Variants in ADGRB3 observed in about 807,000 individuals in gnomAD.
ADGRB3 encodes adhesion G protein-coupled receptor B3.
ADGRB3 carries 37 observed loss-of-function variants against 193.4 expected under a neutral mutation model. That is an observed-to-expected ratio of 0.19 (90% confidence interval 0.15 to 0.25). The LOEUF (loss-of-function observed/expected upper bound fraction) is 0.25. Among genes scored for constraint, ADGRB3 ranks in the 10% least tolerant of loss-of-function variants. The probability of loss-of-function intolerance (pLI) is 1.00; values close to 1 mark genes in which losing one functional copy is unlikely to be tolerated. For missense variants in ADGRB3, 1,637 were observed against 1,852.9 expected, an observed-to-expected ratio of 0.88 and a Z score of 2.14; for synonymous variants, 690 against 644.2, an observed-to-expected ratio of 1.07 and a Z score of -1.08.
In ADGRB3 at chr6:69,233,316, C is replaced by T; in HGVS notation, c.2507C>T (p.Thr836Ile). ...KTNESLGTWS[T>I]QGCKTVLTDA... Reference sequence around the variant, plus strand: ...AACGAGTCTTTGGGAACGTGGTCCACCCAGGGATGTAAAACTGTGCTTACC... The same window carrying T: ...AACGAGTCTTTGGGAACGTGGTCCATCCAGGGATGTAAAACTGTGCTTACC... The change falls in exon 18 of 32, where the codon ACC becomes ATC. Residue 836 changes from threonine (T) to isoleucine (I), a missense_variant. By Grantham distance (89) the Thr-to-Ile change is moderately conservative. This residue lies in a region of ADGRB3 where 641 missense variants were observed against 673.9 expected (regional missense o/e 0.95). Transcript: ENST00000370598. 2 of 1,614,032 alleles carry T rather than the reference C, an allele frequency of 1.2e-6. No homozygotes were observed. Among genetic ancestry groups the T allele is most frequent in the Non-Finnish European group, 1.7e-6 (2 of 1,179,996 alleles).
chr6:68,830,372 A>G (rs1767929118), intron 3 of ADGRB3, among the ~76,000 whole-genome samples: 1 of 152,120 alleles, frequency 6.6e-6, no homozygotes, highest in African/African-American at 2.4e-5. Flanking sequence ...TGTAACCAAG[A>G]TCTCTCAATT....
At chr6:69,172,673 G>A (rs6934698) in intron 17 of ADGRB3, among the ~76,000 whole-genome samples, 71,345 of 97,144 alleles carry the variant, frequency 0.73, 27,763 homozygotes, top group East Asian at 0.89. Context: ...AAAAAAAAAA[G>A]AGAAATAAAG....
intron 13 of ADGRB3, among the ~76,000 whole-genome samples, chr6:69,045,953 G>A (rs957977373): frequency 1.3e-5 from 2 of 151,974 alleles, no homozygotes; most frequent in Admixed American, 6.5e-5. Flanking sequence ...AACAGCTAAC[G>A]TACCTCTAAT....
At chr6:68,972,921 CTG>C (rs1031575146) in intron 8 of ADGRB3, among the ~76,000 whole-genome samples, 1 of 152,058 alleles carries the variant, frequency 6.6e-6, no homozygotes, top group African/African-American at 2.4e-5. Context: ...AAGGCCCAGA[CTG>C]TGTGAGACTA....
chr6:69,149,801 C>A (rs1774615363), intron 17 of ADGRB3, among the ~76,000 whole-genome samples: 1 of 152,138 alleles, frequency 6.6e-6, no homozygotes, highest in Admixed American at 6.5e-5. Context: ...GCGGCTCTTG[C>A]AGACCAACTT....
intron 17 of ADGRB3, among the ~76,000 whole-genome samples, chr6:69,161,917 T>C (rs1162567483): frequency 6.6e-6 from 1 of 152,114 alleles, no homozygotes; most frequent in Non-Finnish European, 1.5e-5. Context: ...GAGTCAGAGA[T>C]AGCCCCCAAA....
intron 20 of ADGRB3, among the ~76,000 whole-genome samples, chr6:69,253,347 A>T (rs1487390602): frequency 6.6e-6 from 1 of 152,086 alleles, no homozygotes; most frequent in Non-Finnish European, 1.5e-5. Flanking sequence ...TATACAAAAA[A>T]GTGTGTTGCA....
chr6:68,938,151 A>G (rs1424830242), intron 5 of ADGRB3, among the ~76,000 whole-genome samples: 1 of 152,148 alleles, frequency 6.6e-6, no homozygotes, highest in East Asian at 1.9e-4. Context: ...ATTGCCACTA[A>G]GAACAAGAAA....
intron 20 of ADGRB3, among the ~76,000 whole-genome samples, chr6:69,311,284 AAAG>A (rs1397860419): frequency 6.6e-6 from 1 of 151,790 alleles, no homozygotes; most frequent in African/African-American, 2.4e-5. Context: ...TGGTGCATTC[AAAG>A]AAGAACCAAG....
intron 3 of ADGRB3, among the ~76,000 whole-genome samples, chr6:68,690,470 T>A (rs908479702): frequency 2.0e-5 from 3 of 152,108 alleles, no homozygotes; most frequent in Non-Finnish European, 2.9e-5. Flanking sequence ...GAATGTATTC[T>A]GCCCCACTAG....
intron 3 of ADGRB3, among the ~76,000 whole-genome samples, chr6:68,839,425 A>G (rs1306662867): frequency 6.6e-6 from 1 of 152,166 alleles, no homozygotes; most frequent in Non-Finnish European, 1.5e-5. Flanking sequence ...CAATTTTACC[A>G]TTTCTATGTG....
chr6:69,112,454 C>T (rs1443345689), intron 17 of ADGRB3, among the ~76,000 whole-genome samples: 1 of 152,116 alleles, frequency 6.6e-6, no homozygotes, highest in Non-Finnish European at 1.5e-5. Flanking sequence ...GGCTAAAACT[C>T]TTTAGTGGCT....
At chr6:68,965,596 A>T (rs559839759) in intron 8 of ADGRB3, among the ~76,000 whole-genome samples, 8 of 152,150 alleles carry the variant, frequency 5.3e-5, no homozygotes. Flanking sequence ...GAGACAGAAA[A>T]TCAGTTTGAA....
chr6:68,907,385 A>T (rs1176883323), intron 3 of ADGRB3, among the ~76,000 whole-genome samples: 1 of 151,722 alleles, frequency 6.6e-6, no homozygotes, highest in Non-Finnish European at 1.5e-5. Flanking sequence ...AAATTCTTTG[A>T]TTCTTATTCT....
intron 13 of ADGRB3, among the ~76,000 whole-genome samples, chr6:69,024,264 G>T (rs1033809122): frequency 6.6e-6 from 1 of 152,124 alleles, no homozygotes; most frequent in Non-Finnish European, 1.5e-5. Flanking sequence ...TGGAGAGAAC[G>T]TTTCAAATTG....
chr6:68,920,732 G>A (rs1767019545), intron 3 of ADGRB3, among the ~76,000 whole-genome samples: 1 of 151,864 alleles, frequency 6.6e-6, no homozygotes, highest in African/African-American at 2.4e-5. Flanking sequence ...CCCATTCTCT[G>A]TGAAAGAATA....
At chr6:69,201,034 T>C (rs1765407925) in intron 17 of ADGRB3, among the ~76,000 whole-genome samples, 1 of 152,156 alleles carries the variant, frequency 6.6e-6, no homozygotes, top group African/African-American at 2.4e-5. Context: ...AGCTTTAACA[T>C]AGAAATCACA....
At chr6:68,674,882 A>T (rs914212315) in intron 3 of ADGRB3, among the ~76,000 whole-genome samples, 2 of 152,188 alleles carry the variant, frequency 1.3e-5, no homozygotes, top group African/African-American at 4.8e-5. Flanking sequence ...CTAAAACTGT[A>T]TTGGGAGAGC....
rs1394738673 is a variant in ADGRB3, at chr6:68,882,740, C to T, written c.758-47819C>T. On this transcript the variant is annotated intron_variant, in intron 3 of 31. Coordinates refer to ENST00000370598, the MANE Select transcript of ADGRB3 (RefSeq NM_001704.3). ...GTGGCAGTACAGATTTCCTCCTCTT[C>T]CCTACTTTTATTATAAACAGTTTAT... Among the ~76,000 whole-genome samples the T allele has an allele frequency of 1.3e-5, 2 of 152,068 alleles. 1 individual carries two copies. The highest frequency in any genetic ancestry group is 2.9e-5 in the Non-Finnish European group (2 of 68,018).
Sources: gnomAD v4.1 joint callset for allele counts (sites outside exome capture counted in the v4.1 genomes callset) on GRCh38, gnomAD v4.1.1 for gene constraint, gnomAD v4.1.1 regional missense constraint, MANE v1.5 for transcripts, NCBI Gene and HGNC (gene_info 2026-07-23, HGNC 2026-07-21) for gene names.